The following SRSF11 variants were observed in gnomAD, a reference collection of about 807,000 sequenced individuals.
The protein encoded by SRSF11 is serine and arginine rich splicing factor 11.
A neutral mutation model predicts 56.0 loss-of-function variants in SRSF11; 9 were observed. The ratio of observed to expected loss-of-function variants is 0.16; its 90% confidence interval spans 0.10 to 0.28. The LOEUF (loss-of-function observed/expected upper bound fraction) is 0.28, where lower values mean the gene tolerates loss of function less well. Ranked by LOEUF, SRSF11 falls within the 10% of genes least tolerant of loss-of-function variation. SRSF11 has a pLI of 1.00. For missense variants in SRSF11, 421 were observed against 600.7 expected (o/e 0.70, Z 3.13); for synonymous variants, 222 against 215.3 (o/e 1.03, Z -0.27).
intron 1 of SRSF11, among the ~76,000 whole-genome samples, chr1:70,210,969 C>T (rs760298693): frequency 1.3e-5 from 2 of 151,974 alleles, no homozygotes; most frequent in Non-Finnish European, 2.9e-5. Context: ...ACCAATCCTG[C>T]TTATGTCATT....
chr1:70,210,127 T>A (rs2100451481), intron 1 of SRSF11, among the ~76,000 whole-genome samples: 1 of 152,186 alleles, frequency 6.6e-6, no homozygotes, highest in South Asian at 2.1e-4. Flanking sequence ...CTAGGAGGTT[T>A]AATATTTGAT....
chr1:70,244,857 AC>A, intron 8 of SRSF11, 42 bp downstream of exon 8: 1 of 1,602,484 alleles, frequency 6.2e-7, no homozygotes, highest in East Asian at 2.2e-5. Flanking sequence ...GGTTCCCAGT[AC>A]CCCTAGTACT....
intron 2 of SRSF11, chr1:70,230,397 A>G (rs1672619416): frequency 8.9e-7 from 1 of 1,121,716 alleles, no homozygotes; most frequent in South Asian, 2.0e-5. Context: ...AACAGTAGAC[A>G]TAGTCTACGG....
chr1:70,212,828 G>A (rs544556899), intron 1 of SRSF11, among the ~76,000 whole-genome samples: 1 of 152,256 alleles, frequency 6.6e-6, no homozygotes, highest in South Asian at 2.1e-4. Context: ...CCAGCACTTT[G>A]GGATGCCCTG....
upstream of SRSF11, chr1:70,221,361 G>C (rs935415491): frequency 2.2e-6 from 1 of 465,102 alleles, no homozygotes; most frequent in Non-Finnish European, 3.8e-6. Flanking sequence ...GCAAAGCATT[G>C]TGGGAGCTCG....
intron 1 of SRSF11, among the ~76,000 whole-genome samples, chr1:70,212,430 T>C (rs1319255875): frequency 6.6e-6 from 1 of 152,124 alleles, no homozygotes; most frequent in Non-Finnish European, 1.5e-5. Context: ...CTAATTTTTG[T>C]ATTTTTAGTA....
Position 70,239,506 on chromosome 1 carries a change from ATCT to A in SRSF11, c.790_792del (p.Ser264del). The A allele has an allele frequency of 6.2e-7, 1 of 1,607,266 alleles. No homozygotes were observed. Among genetic ancestry groups the A allele is most frequent in the Non-Finnish European group, 8.5e-7 (1 of 1,177,498 alleles). ...GTTCTAGGAGGAGGAGGACTCCCTC[ATCT>A]TCTAGACACAGGTTAGATTGCTTTT... On this transcript the variant is annotated inframe_deletion, in exon 7 of 12. Coordinates refer to ENST00000370949, the MANE Select transcript of SRSF11 (RefSeq NM_001350605.2).
In SRSF11 at chr1:70,235,524, G is replaced by A; in HGVS notation, c.564G>A (p.Leu188=). 2 of 1,612,114 alleles carry A rather than the reference G, an allele frequency of 1.2e-6. No homozygotes were observed. Among genetic ancestry groups the A allele is most frequent in the Non-Finnish European group, 1.7e-6 (2 of 1,179,494 alleles). Residue 188 remains leucine (L), a synonymous_variant, in exon 5 of 12, where the codon CTG becomes CTA. Coordinates refer to ENST00000370949, the MANE Select transcript of SRSF11 (RefSeq NM_001350605.2). ...AGTCTCTTGCTGCAGATCAGTTGCTGAAGCTTATGAGTACTGTTGATCCCA... is the reference window on the plus strand; with the variant it reads ...AGTCTCTTGCTGCAGATCAGTTGCTAAAGCTTATGAGTACTGTTGATCCCA... ...NSQSLAADQL[L]KLMSTVDPKL... is the part of the protein sequence containing the mutation.
At chr1:70,210,441 G>A (rs1039255351) in intron 1 of SRSF11, among the ~76,000 whole-genome samples, 4 of 152,104 alleles carry the variant, frequency 2.6e-5, no homozygotes, top group Non-Finnish European at 4.4e-5. Flanking sequence ...GGCCAGGTAC[G>A]GTGGCTCATG....
At chr1:70,220,395 A>T (rs560951872), upstream of SRSF11, among the ~76,000 whole-genome samples, 6 of 152,366 alleles carry the variant, frequency 3.9e-5, no homozygotes, top group South Asian at 1.2e-3. Context: ...TGAGGTTGAA[A>T]ACAAAAGCAA....
chr1:70,206,787 C>A (rs1669072873), intron 1 of SRSF11, among the ~76,000 whole-genome samples: 1 of 151,796 alleles, frequency 6.6e-6, no homozygotes, highest in Admixed American at 6.6e-5. Context: ...TAACTCTACC[C>A]TTTTTGTTCT....
intron 3 of SRSF11, among the ~76,000 whole-genome samples, chr1:70,233,101 G>A (rs184542629): frequency 2.6e-5 from 4 of 152,118 alleles, no homozygotes; most frequent in Admixed American, 2.6e-4. Context: ...GAAAGATTAG[G>A]AGTTCCTAAG....
At chr1:70,207,869 C>T (rs1379225856) in intron 1 of SRSF11, among the ~76,000 whole-genome samples, 2 of 151,990 alleles carry the variant, frequency 1.3e-5, no homozygotes, top group Non-Finnish European at 2.9e-5. Flanking sequence ...ATCACACCAC[C>T]ATGCCCAGCT....
At chr1:70,243,512 A>G (rs573474298) in intron 7 of SRSF11, among the ~76,000 whole-genome samples, 4 of 152,270 alleles carry the variant, frequency 2.6e-5, no homozygotes, top group South Asian at 2.1e-4. Flanking sequence ...AGGTGTTACT[A>G]TCCTTGACTG....
At chr1:70,246,247 A>C (rs1340969668) in intron 8 of SRSF11, among the ~76,000 whole-genome samples, 3 of 151,188 alleles carry the variant, frequency 2.0e-5, no homozygotes, top group Non-Finnish European at 2.9e-5. Flanking sequence ...AGGAGTAAAA[A>C]TTTATAGGAA....
chr1:70,218,811 T>C (rs995489345), upstream of SRSF11: 1 of 152,240 alleles, frequency 6.6e-6, no homozygotes, highest in African/African-American at 2.4e-5. Flanking sequence ...AGATACTTAT[T>C]TATGAGTGAC....
intron 1 of SRSF11, among the ~76,000 whole-genome samples, chr1:70,212,317 CGA>C (rs1571564164): frequency 6.6e-6 from 1 of 152,078 alleles, no homozygotes; most frequent in East Asian, 1.9e-4. Context: ...AGTGCAGCGA[CGA>C]GATCTTGGCT....
intron 3 of SRSF11, among the ~76,000 whole-genome samples, chr1:70,233,562 T>G (rs1057288125): frequency 5.3e-5 from 8 of 152,356 alleles, no homozygotes; most frequent in African/African-American, 1.9e-4. Context: ...ATTTTCTAAA[T>G]TCCTTTAATG....
Position 70,225,442 on chromosome 1 carries a change from C to G in SRSF11, c.204-2980C>G, listed in dbSNP as rs539610201. 3.9e-5 allele frequency among the ~76,000 whole-genome samples: 6 copies of G among 152,288 alleles called. No homozygotes were observed. The South Asian group carries it at 1.2e-3, about 32-fold the overall frequency. Reference sequence around the variant, plus strand: ...TTTCAGGTTAATGTCGTCTTTGTCACACACCTCCTTTTGTGGGTTGGCGAT... The same window carrying G: ...TTTCAGGTTAATGTCGTCTTTGTCAGACACCTCCTTTTGTGGGTTGGCGAT... On this transcript the variant is annotated intron_variant, in intron 1 of 11. Coordinates refer to ENST00000370949, the MANE Select transcript of SRSF11 (RefSeq NM_001350605.2).
Sources: allele counts gnomAD v4.1 joint callset (sites outside exome capture counted in the v4.1 genomes callset), GRCh38; gene constraint gnomAD v4.1.1; transcripts MANE v1.5; gene names NCBI Gene and HGNC (gene_info 2026-07-23, HGNC 2026-07-21).